The following SUPT3H variants were observed in gnomAD, a reference collection of about 807,000 sequenced individuals.
SUPT3H encodes the protein transcription initiation protein SPT3 homolog.
Under a neutral mutation model 44.3 loss-of-function variants are expected in SUPT3H, and 44 were observed. The observed-to-expected ratio is 0.99, with a 90% confidence interval of 0.78 to 1.28. SUPT3H has a LOEUF of 1.28. Among genes scored for constraint, SUPT3H ranks in the 50% most tolerant of loss-of-function variants. The probability of loss-of-function intolerance (pLI) is 0.00; values close to 1 mark genes in which losing one functional copy is unlikely to be tolerated. For synonymous variants in SUPT3H, 124 were observed against 125.6 expected, an observed-to-expected ratio of 0.99 and a Z score of 0.09; for missense variants, 380 against 387.1, an observed-to-expected ratio of 0.98 and a Z score of 0.15.
chr6:44,960,525 G>C (rs1025356120), intron 7 of SUPT3H, among the ~76,000 whole-genome samples: 11 of 151,820 alleles, frequency 7.2e-5, no homozygotes, highest in Non-Finnish European at 1.3e-4. Context: ...AGGCATATTA[G>C]GAGACTTTAA....
rs147302232 is a variant in SUPT3H at position 45,109,812 on chromosome 6, T to C, written c.102-3806A>G. On this transcript the variant is annotated intron_variant, in intron 2 of 10. Transcript: ENST00000371459. ...AAGCCACTTAAAGACAGACAAGTAA[T>C]TGATACTTATACAACTATTTTGATT... Among the ~76,000 whole-genome samples the C allele has an allele frequency of 1.9e-3, 287 of 152,326 alleles. 2 individuals are homozygous for C. Among genetic ancestry groups the C allele is most frequent in the Middle Eastern group, 0.01 (3 of 294 alleles).
At chr6:44,894,704 G>A (rs980080352) in intron 10 of SUPT3H, among the ~76,000 whole-genome samples, 4 of 151,762 alleles carry the variant, frequency 2.6e-5, no homozygotes, top group Non-Finnish European at 2.9e-5. Flanking sequence ...TGGTGATGCG[G>A]TTTTTCAAAT....
rs1349844870 is a variant in SUPT3H at position 45,095,788 on chromosome 6, C to A, written c.186+10134G>T. ...GAAAGAGATATTGACAACATCATAACAACAACTCAAACATAATTTGCAGTT... is the reference window on the plus strand; with the variant it reads ...GAAAGAGATATTGACAACATCATAAAAACAACTCAAACATAATTTGCAGTT... On this transcript the variant is annotated intron_variant, in intron 3 of 10. Transcript: ENST00000371459. The surrounding 1 kb of genome is among the most constrained non-coding windows in gnomAD (Gnocchi z 4.1). Among the ~76,000 whole-genome samples the A allele has an allele frequency of 3.3e-5, 5 of 152,008 alleles. No homozygotes were observed. The highest frequency in any genetic ancestry group is 4.8e-5 in the African/African-American group (2 of 41,356).
chr6:45,168,103 G>A (rs1366145822), intron 2 of SUPT3H, among the ~76,000 whole-genome samples: 4 of 152,038 alleles, frequency 2.6e-5, no homozygotes, highest in South Asian at 4.2e-4. Flanking sequence ...GAGCCACCGC[G>A]CCTGGCAAAG....
At chr6:44,977,870 G>C (rs1011701105) in intron 6 of SUPT3H, among the ~76,000 whole-genome samples, 1 of 152,108 alleles carries the variant, frequency 6.6e-6, no homozygotes, top group African/African-American at 2.4e-5. Context: ...TAGTGGCCCT[G>C]ATAAGAAACT....
At chr6:45,031,870 A>G (rs1337604389) in intron 3 of SUPT3H, among the ~76,000 whole-genome samples, 1 of 152,184 alleles carries the variant, frequency 6.6e-6, no homozygotes, top group African/African-American at 2.4e-5. Context: ...CATGAAAGGA[A>G]GTATGGGGTT....
chr6:45,348,839 T>C (rs928686082), intron 2 of SUPT3H, among the ~76,000 whole-genome samples: 1 of 152,196 alleles, frequency 6.6e-6, no homozygotes, highest in African/African-American at 2.4e-5. Flanking sequence ...TCCTTCATGT[T>C]TCAGCTTAAA....
chr6:45,180,236 G>T (rs1466578220), intron 2 of SUPT3H, among the ~76,000 whole-genome samples: 8 of 142,066 alleles, frequency 5.6e-5, no homozygotes, highest in South Asian at 2.4e-4. Context: ...ACAAATGGAA[G>T]AACATTCCAT....
intron 3 of SUPT3H, among the ~76,000 whole-genome samples, chr6:45,045,801 T>A (rs1789302800): frequency 6.6e-6 from 1 of 152,190 alleles, no homozygotes; most frequent in African/African-American, 2.4e-5. Context: ...GAGTACTGTA[T>A]ATATTCTAAA....
chr6:45,068,528 A>G (rs1221158340), intron 3 of SUPT3H, among the ~76,000 whole-genome samples: 1 of 152,154 alleles, frequency 6.6e-6, no homozygotes, highest in Non-Finnish European at 1.5e-5. Flanking sequence ...CCTAAAATAA[A>G]TTTCATTTCT....
chr6:44,972,285 C>A (rs191675332), intron 6 of SUPT3H, among the ~76,000 whole-genome samples: 72 of 152,258 alleles, frequency 4.7e-4, no homozygotes, highest in Middle Eastern at 3.4e-3. Context: ...TTACAGGCCC[C>A]ACATAAGTCC....
chr6:45,311,979 A>G (rs1449137869), intron 2 of SUPT3H, among the ~76,000 whole-genome samples: 1 of 152,190 alleles, frequency 6.6e-6, no homozygotes, highest in Non-Finnish European at 1.5e-5. Context: ...TCACATTTCA[A>G]TACTAACATG....
chr6:44,856,517 A>G (rs1359597212), intron 10 of SUPT3H, among the ~76,000 whole-genome samples: 1 of 152,230 alleles, frequency 6.6e-6, no homozygotes, highest in East Asian at 1.9e-4. Context: ...AAATACAGTA[A>G]AAGTGCCCTA....
intron 10 of SUPT3H, among the ~76,000 whole-genome samples, chr6:44,831,136 G>A (rs967083261): frequency 6.6e-6 from 1 of 152,058 alleles, no homozygotes; most frequent in African/African-American, 2.4e-5. Flanking sequence ...TCCTGCTTAA[G>A]AAGATTTACT....
intron 3 of SUPT3H, among the ~76,000 whole-genome samples, chr6:45,070,321 A>G (rs940795201): frequency 1.3e-5 from 2 of 152,158 alleles, no homozygotes; most frequent in Non-Finnish European, 2.9e-5. Context: ...TCAACAGAAG[A>G]TTTCTGATCT....
chr6:44,993,787 GAACA>G (rs1780915734), intron 6 of SUPT3H, among the ~76,000 whole-genome samples: 1 of 151,982 alleles, frequency 6.6e-6, no homozygotes, highest in African/African-American at 2.4e-5. Context: ...GAAATTGTTT[GAACA>G]AAAATTAACC....
chr6:45,339,678 G>C (rs1789352899), intron 2 of SUPT3H, among the ~76,000 whole-genome samples: 1 of 151,974 alleles, frequency 6.6e-6, no homozygotes, highest in South Asian at 2.1e-4. Flanking sequence ...TTTCTATTAG[G>C]TTCAAATAGC....
At chr6:45,175,352 C>G (rs868332027) in intron 2 of SUPT3H, among the ~76,000 whole-genome samples, 1 of 152,060 alleles carries the variant, frequency 6.6e-6, no homozygotes, top group Admixed American at 6.6e-5. Flanking sequence ...CTTACAGTCA[C>G]GGTGAAAGGC....
intron 3 of SUPT3H, among the ~76,000 whole-genome samples, chr6:45,075,325 T>C (rs1794870567): frequency 2.0e-5 from 3 of 152,090 alleles, no homozygotes; most frequent in Non-Finnish European, 2.9e-5. Flanking sequence ...GATATGGTCA[T>C]ACTTGATGTT....
Sources: allele counts gnomAD v4.1 joint callset (sites outside exome capture counted in the v4.1 genomes callset), GRCh38; gene constraint gnomAD v4.1.1; non-coding constraint Gnocchi (gnomAD v3.1); transcripts MANE v1.5; gene names NCBI Gene and HGNC (gene_info 2026-07-23, HGNC 2026-07-21).